The following ADAM32 variants were observed in gnomAD, a reference collection of about 807,000 sequenced individuals.
ADAM32 encodes the protein ADAM metallopeptidase domain 32.
In ADAM32, 89 loss-of-function variants were observed where a neutral mutation model predicts 114.9. The ratio of observed to expected loss-of-function variants is 0.77; its 90% CI spans 0.65 to 0.92. The LOEUF is 0.92. Among genes scored for constraint, ADAM32 ranks in the 40% least tolerant of loss-of-function variants. The pLI is 0.00. For missense variants in ADAM32, 870 were observed against 932.8 expected (o/e 0.93, Z 0.88); for synonymous variants, 285 against 307.5 (o/e 0.93, Z 0.77).
At chr8:39,247,691 G>T (rs1811015648) in intron 17 of ADAM32, among the ~76,000 whole-genome samples, 1 of 150,916 alleles carries the variant, frequency 6.6e-6, no homozygotes, top group Non-Finnish European at 1.5e-5. Context: ...TTAATTTTAT[G>T]AGGCCCAGCT....
At chr8:39,268,667 C>T (rs1464473821) in intron 19 of ADAM32, among the ~76,000 whole-genome samples, 3 of 152,078 alleles carry the variant, frequency 2.0e-5, no homozygotes, top group Non-Finnish European at 2.9e-5. Flanking sequence ...AAATAATTGC[C>T]TAACCCAAGT....
At chr8:39,282,891 G>A (rs58696873) in intron 23 of ADAM32, among the ~76,000 whole-genome samples, 6,855 of 152,176 alleles carry the variant, frequency 0.045, 437 homozygotes, top group African/African-American at 0.14. Flanking sequence ...CATGGTCAGA[G>A]TAGTAGGAAA....
chr8:39,275,905 A>G, intron 22 of ADAM32, 39 bp downstream of exon 22: 1 of 1,497,098 alleles, frequency 6.7e-7, no homozygotes, highest in Non-Finnish European at 9.0e-7. Flanking sequence ...TATAATAAGT[A>G]TATGTTAAAA....
chr8:39,154,154 A>G (rs1804004892), intron 6 of ADAM32, among the ~76,000 whole-genome samples: 1 of 151,760 alleles, frequency 6.6e-6, no homozygotes, highest in Non-Finnish European at 1.5e-5. Flanking sequence ...CCCGTCATCT[A>G]CATTAGGTAT....
chr8:39,267,870 T>A (rs1419335207), intron 19 of ADAM32, among the ~76,000 whole-genome samples: 1 of 152,056 alleles, frequency 6.6e-6, no homozygotes, highest in East Asian at 1.9e-4. Flanking sequence ...ATGGGAAAGG[T>A]AATTTACAGA....
chr8:39,108,654 A>G (rs1840027693), intron 1 of ADAM32, among the ~76,000 whole-genome samples: 1 of 152,214 alleles, frequency 6.6e-6, no homozygotes, highest in Admixed American at 6.5e-5. Flanking sequence ...TAATAAGAGA[A>G]GGAAAAAAAT....
At chr8:39,116,923 G>T (rs888902535) in intron 1 of ADAM32, among the ~76,000 whole-genome samples, 1 of 151,370 alleles carries the variant, frequency 6.6e-6, no homozygotes, top group Non-Finnish European at 1.5e-5. Context: ...TTTCTCTGTT[G>T]CCCAGGCTGT....
chr8:39,111,553 T>G (rs1840157740), intron 1 of ADAM32, among the ~76,000 whole-genome samples: 1 of 151,824 alleles, frequency 6.6e-6, no homozygotes, highest in African/African-American at 2.4e-5. Context: ...CTGGCCATGG[T>G]GAAACCCCAT....
chr8:39,136,682 T>G lies in ADAM32; in HGVS notation c.164T>G (p.Ile55Arg), dbSNP rs765162076. The part of the protein sequence containing the change: ...EYEQISYIIP[I>R]DEKLYTVHLK... ...GAACAAATATCCTATATTATTCCAATAGATGAGAAACTGTACACTGTGCAC... is the reference window on the plus strand; with the variant it reads ...GAACAAATATCCTATATTATTCCAAGAGATGAGAAACTGTACACTGTGCAC... Residue 55 changes from isoleucine to arginine, a missense_variant, in exon 3 of 25, where the codon ATA becomes AGA. Transcript: ENST00000379907. 1.3e-6 allele frequency: 2 copies of G among 1,544,448 alleles called. No individual in the cohort carries two copies. The highest frequency in any genetic ancestry group is 2.3e-5 in the East Asian group (1 of 43,038).
chr8:39,280,357 C>T (rs987182715), intron 22 of ADAM32, among the ~76,000 whole-genome samples: 32 of 152,120 alleles, frequency 2.1e-4, no homozygotes, highest in African/African-American at 7.0e-4. Flanking sequence ...TTTTCTTCAG[C>T]TTTTCTCTAT....
chr8:39,265,141 G>A (rs547434323), intron 19 of ADAM32, among the ~76,000 whole-genome samples: 39 of 152,200 alleles, frequency 2.6e-4, no homozygotes, highest in African/African-American at 7.9e-4. Context: ...ACATCTCTTC[G>A]TAGGTCTCTA....
intron 11 of ADAM32, among the ~76,000 whole-genome samples, chr8:39,209,946 T>C (rs550955204): frequency 1.3e-5 from 2 of 152,346 alleles, no homozygotes; most frequent in Admixed American, 6.5e-5. Context: ...GCCCATGGCC[T>C]CATAGACCAG....
chr8:39,122,893 C>T (rs1045978706), intron 2 of ADAM32, among the ~76,000 whole-genome samples: 2 of 152,180 alleles, frequency 1.3e-5, no homozygotes, highest in Non-Finnish European at 2.9e-5. Flanking sequence ...GTTAATGTCA[C>T]CATGCCTGTA....
rs1193223125 is a variant in ADAM32 at position 39,149,917 on chromosome 8, G to T, written c.353+50G>T. 5 of 1,476,224 alleles carry T rather than the reference G, an allele frequency of 3.4e-6. No homozygotes were observed. In the South Asian group the frequency reaches 3.7e-5, roughly 11 times the overall value. 91.4% of individuals were successfully genotyped at this position (1,476,224 alleles called of 1,614,324 possible). ...AACACCTTAGTTATGATATTTGGCT[G>T]CAGTGAATTTGTTCTCTTTGTATTA... On this transcript the variant is annotated intron_variant, in intron 5 of 24. Coordinates refer to ENST00000379907, the MANE Select transcript of ADAM32 (RefSeq NM_145004.7).
Position 39,275,820 on chromosome 8 carries a change from T to G in ADAM32, c.2241-8T>G. ...ACGTGGAAGCATTACTTTTTCGCTT[T>G]CTTTTAGAACCAGATCAGAAAGCAG... On this transcript the variant is annotated splice_region_variant and splice_polypyrimidine_tract_variant and intron_variant, in intron 21 of 24. Transcript: ENST00000379907. 2 of 1,554,198 alleles carry G rather than the reference T, an allele frequency of 1.3e-6. No individual in the cohort carries two copies. The highest frequency in any genetic ancestry group is 8.7e-7 in the Non-Finnish European group (1 of 1,148,434).
chr8:39,135,301 C>T (rs1303444559), intron 2 of ADAM32, among the ~76,000 whole-genome samples: 1 of 152,192 alleles, frequency 6.6e-6, no homozygotes, highest in East Asian at 1.9e-4. Context: ...TTAGGGTTTT[C>T]TCTTTGGTCC....
intron 10 of ADAM32, among the ~76,000 whole-genome samples, chr8:39,175,878 C>T (rs1204427133): frequency 6.6e-6 from 1 of 152,078 alleles, no homozygotes; most frequent in Non-Finnish European, 1.5e-5. Context: ...TTTGTTTATT[C>T]AGGGATTCAA....
Position 39,190,177 on chromosome 8 carries a change from A to G in ADAM32, c.1052+3132A>G, listed in dbSNP as rs957499023. ...TTTCTGTGCCTGGCTTTTTTCACTTAACATAATGACCTTCTGTTCCATTCA... is the reference window on the plus strand; with the variant it reads ...TTTCTGTGCCTGGCTTTTTTCACTTGACATAATGACCTTCTGTTCCATTCA... On this transcript the variant is annotated intron_variant, in intron 11 of 24. Transcript: ENST00000379907. Among the ~76,000 whole-genome samples, 28 of 152,300 alleles carry G rather than the reference A, an allele frequency of 1.8e-4. 1 individual carries two copies. The highest frequency in any genetic ancestry group is 6.8e-3 in the Middle Eastern group (2 of 294).
chr8:39,182,210 G>A (rs1805947385), intron 10 of ADAM32, among the ~76,000 whole-genome samples: 1 of 152,028 alleles, frequency 6.6e-6, no homozygotes, highest in African/African-American at 2.4e-5. Context: ...TTAGCAGATG[G>A]GCTTTTTGAT....
Sources: allele counts gnomAD v4.1 joint callset (sites outside exome capture counted in the v4.1 genomes callset), GRCh38; gene constraint gnomAD v4.1.1; transcripts MANE v1.5; gene names NCBI Gene and HGNC (gene_info 2026-07-23, HGNC 2026-07-21).